NRG3: variants seen among roughly 807,000 people sequenced by gnomAD.
The protein encoded by NRG3 is pro-neuregulin-3, membrane-bound isoform.
Under a neutral mutation model 66.9 loss-of-function variants are expected in NRG3, and 31 were observed. The observed-to-expected ratio is 0.46, with a 90% confidence interval of 0.35 to 0.63. NRG3 has a LOEUF of 0.63. Ranked by LOEUF, NRG3 falls within the 20% of genes least tolerant of loss-of-function variation. NRG3 has a pLI of 0.00. For synonymous variants in NRG3, 393 were observed against 359.4 expected, an observed-to-expected ratio of 1.09 and a Z score of -1.06; for missense variants, 910 against 878.9, an observed-to-expected ratio of 1.04 and a Z score of -0.45.
chr10:82,079,977 A>G (rs1269797131), intron 1 of NRG3, among the ~76,000 whole-genome samples: 2 of 152,162 alleles, frequency 1.3e-5, no homozygotes, highest in African/African-American at 2.4e-5. Flanking sequence ...TTATGTTTCA[A>G]TTTCAAAAAA....
chr10:82,018,651 A>G (rs565090614), intron 1 of NRG3, among the ~76,000 whole-genome samples: 13 of 152,212 alleles, frequency 8.5e-5, no homozygotes, highest in Admixed American at 5.9e-4. Flanking sequence ...GGTCCTTCAC[A>G]TCCCTTGTAA....
At chr10:82,529,992 T>C (rs1332807523) in intron 2 of NRG3, among the ~76,000 whole-genome samples, 1 of 152,164 alleles carries the variant, frequency 6.6e-6, no homozygotes, top group African/African-American at 2.4e-5. Flanking sequence ...TGTTATCAGA[T>C]GGTTTAAAGA....
At chr10:82,960,707 A>T (rs1176772069) in intron 6 of NRG3, among the ~76,000 whole-genome samples, 1 of 151,938 alleles carries the variant, frequency 6.6e-6, no homozygotes. Flanking sequence ...AAGAAGTGAA[A>T]ATGGCCGGTC....
intron 1 of NRG3, chr10:82,232,763 C>T: frequency 1.4e-6 from 1 of 717,224 alleles, no homozygotes; most frequent in Non-Finnish European, 2.6e-6. Flanking sequence ...AGGAGGCATG[C>T]CATACATGGC....
At chr10:82,436,640 T>C (rs2090155927) in intron 2 of NRG3, among the ~76,000 whole-genome samples, 1 of 152,182 alleles carries the variant, frequency 6.6e-6, no homozygotes, top group Non-Finnish European at 1.5e-5. Flanking sequence ...TCATTGGTTT[T>C]TACATTTTGG....
At chr10:82,647,394 C>A (rs2133858686) in intron 2 of NRG3, among the ~76,000 whole-genome samples, 1 of 152,214 alleles carries the variant, frequency 6.6e-6, no homozygotes, top group Non-Finnish European at 1.5e-5. Flanking sequence ...TTTCTTAATC[C>A]AGTCTATCAT....
intron 2 of NRG3, among the ~76,000 whole-genome samples, chr10:82,548,553 ACACACACG>A (rs1245858215): frequency 5.4e-5 from 8 of 147,956 alleles, no homozygotes; most frequent in African/African-American, 1.5e-4. Flanking sequence ...ACACACACAC[ACACACACG>A]CACACGCACA....
At chr10:82,335,236 A>G (rs376877111) in intron 1 of NRG3, among the ~76,000 whole-genome samples, 56 of 152,326 alleles carry the variant, frequency 3.7e-4, no homozygotes, top group East Asian at 2.9e-3. Flanking sequence ...CATGGCAGCT[A>G]TCTGTGACAA....
chr10:82,647,805 T>C (rs1222712633), intron 2 of NRG3, among the ~76,000 whole-genome samples: 1 of 152,076 alleles, frequency 6.6e-6, no homozygotes, highest in Non-Finnish European at 1.5e-5. Context: ...TTGTCTTCTT[T>C]TGAGAAGTGT....
At chr10:82,046,992 T>G (rs2063330272) in intron 1 of NRG3, among the ~76,000 whole-genome samples, 1 of 142,334 alleles carries the variant, frequency 7.0e-6, no homozygotes, top group Non-Finnish European at 1.6e-5. Flanking sequence ...TGAGGATTTT[T>G]GCATCAATGT....
At chr10:81,922,603 G>T (rs974715041) in intron 1 of NRG3, among the ~76,000 whole-genome samples, 4 of 152,068 alleles carry the variant, frequency 2.6e-5, no homozygotes, top group Middle Eastern at 3.2e-3. Context: ...TAATAATTAG[G>T]ATTTCAGATT....
chr10:82,347,536 A>G (rs1453110820), intron 1 of NRG3, among the ~76,000 whole-genome samples: 3 of 150,604 alleles, frequency 2.0e-5, no homozygotes, highest in South Asian at 4.2e-4. Context: ...AAAAAAATGT[A>G]TATTCTGTTG....
intron 1 of NRG3, among the ~76,000 whole-genome samples, chr10:81,886,830 A>G (rs1842649334): frequency 6.6e-6 from 1 of 152,174 alleles, no homozygotes; most frequent in African/African-American, 2.4e-5. Flanking sequence ...AGAAAATTAT[A>G]TAAGATATCC....
chr10:81,989,211 G>A (rs2060642133), intron 1 of NRG3, among the ~76,000 whole-genome samples: 1 of 152,076 alleles, frequency 6.6e-6, no homozygotes. Context: ...TTTTTGGATT[G>A]TGGAAAATTA....
chr10:82,340,902 T>A (rs1037421855), intron 1 of NRG3: 9 of 151,680 alleles, frequency 5.9e-5, no homozygotes, highest in Admixed American at 5.9e-4. Flanking sequence ...AAAAAAAAAT[T>A]AGAAAATGTA....
At chr10:82,917,212 G>A (rs1845924367) in intron 4 of NRG3, among the ~76,000 whole-genome samples, 1 of 152,164 alleles carries the variant, frequency 6.6e-6, no homozygotes. Context: ...TAATTACCGT[G>A]CAGTTTCCAA....
At chr10:82,803,345 CTTAT>C (rs1005875933) in intron 3 of NRG3, among the ~76,000 whole-genome samples, 5 of 152,168 alleles carry the variant, frequency 3.3e-5, no homozygotes, top group African/African-American at 1.2e-4. Context: ...TGTTTCTGCG[CTTAT>C]TTGTGTGGGA....
intron 1 of NRG3, among the ~76,000 whole-genome samples, chr10:82,330,816 T>A (rs367877417): frequency 2.0e-5 from 3 of 152,184 alleles, no homozygotes; most frequent in East Asian, 3.9e-4. Flanking sequence ...TGTGTTTCTT[T>A]TAAATTGGCA....
chr10:82,775,034 C>T (rs1426302062), intron 3 of NRG3, among the ~76,000 whole-genome samples: 1 of 151,480 alleles, frequency 6.6e-6, no homozygotes, highest in Non-Finnish European at 1.5e-5. Flanking sequence ...GCCATGTTGG[C>T]CAGGCTGGTC....
Sources: gnomAD v4.1 joint callset for allele counts (sites outside exome capture counted in the v4.1 genomes callset) on GRCh38, gnomAD v4.1.1 for gene constraint, MANE v1.5 for transcripts, NCBI Gene and HGNC (gene_info 2026-07-23, HGNC 2026-07-21) for gene names.